Variants in UGGT2 observed in about 807,000 individuals in gnomAD.
The protein encoded by UGGT2 is UDP-glucose glycoprotein glucosyltransferase 2.
Under a neutral mutation model 192.1 loss-of-function variants are expected in UGGT2, and 180 were observed. The ratio of observed to expected loss-of-function variants is 0.94; its 90% confidence interval spans 0.83 to 1.06. The LOEUF is 1.06. Ranked by LOEUF, UGGT2 falls within the 50% of genes least tolerant of loss-of-function variation. UGGT2 has a pLI of 0.00. For missense variants in UGGT2, 1,849 were observed against 1,795.7 expected (o/e 1.03, Z -0.54); for synonymous variants, 580 against 591.0 (o/e 0.98, Z 0.27).
intron 22 of UGGT2, among the ~76,000 whole-genome samples, chr13:95,897,474 G>T (rs1188541357): frequency 6.6e-6 from 1 of 152,214 alleles, no homozygotes; most frequent in African/African-American, 2.4e-5. Flanking sequence ...GAAACTGTGT[G>T]ATCATCATTG....
chr13:96,012,517 T>G (rs946453710), intron 5 of UGGT2, among the ~76,000 whole-genome samples: 1 of 151,986 alleles, frequency 6.6e-6, no homozygotes, highest in Non-Finnish European at 1.5e-5. Flanking sequence ...ATTCAAAATA[T>G]ATTAAAAACA....
intron 25 of UGGT2, among the ~76,000 whole-genome samples, chr13:95,889,401 C>T (rs1054450317): frequency 6.6e-6 from 1 of 152,128 alleles, no homozygotes. Flanking sequence ...TCTCATTTTC[C>T]AATGAGATTT....
chr13:95,907,243 C>A (rs1450771048), intron 20 of UGGT2, among the ~76,000 whole-genome samples: 9 of 152,232 alleles, frequency 5.9e-5, no homozygotes, highest in Admixed American at 5.9e-4. Flanking sequence ...AGTACGTAAA[C>A]AAAGCGGCTG....
At chr13:96,030,117 C>A (rs1476934016) in intron 2 of UGGT2, among the ~76,000 whole-genome samples, 1 of 152,202 alleles carries the variant, frequency 6.6e-6, no homozygotes, top group African/African-American at 2.4e-5. Context: ...TCCACACATT[C>A]CATTCCGGTC....
At chr13:95,895,692 T>C (rs2047926730) in intron 22 of UGGT2, among the ~76,000 whole-genome samples, 2 of 152,040 alleles carry the variant, frequency 1.3e-5, no homozygotes, top group Non-Finnish European at 1.5e-5. Flanking sequence ...AAAGCAATGG[T>C]CTATATTTTT....
chr13:95,981,116 C>T (rs1052608559), intron 10 of UGGT2, among the ~76,000 whole-genome samples: 1 of 152,080 alleles, frequency 6.6e-6, no homozygotes, highest in South Asian at 2.1e-4. Flanking sequence ...TCTTTATCTC[C>T]TTAAGTAAAG....
chr13:95,861,771 A>C (rs1371184450), intron 31 of UGGT2, among the ~76,000 whole-genome samples: 1 of 151,960 alleles, frequency 6.6e-6, no homozygotes, highest in Non-Finnish European at 1.5e-5. Context: ...CAAATCTTGT[A>C]ATCTCCCAAA....
At chr13:95,902,065 C>G (rs1394254733) in intron 21 of UGGT2, among the ~76,000 whole-genome samples, 1 of 152,138 alleles carries the variant, frequency 6.6e-6, no homozygotes, top group Non-Finnish European at 1.5e-5. Context: ...CTTGGTTAAA[C>G]ACAACTCTGC....
chr13:95,915,449 T>A (rs2048651437), intron 20 of UGGT2, among the ~76,000 whole-genome samples: 1 of 152,224 alleles, frequency 6.6e-6, no homozygotes, highest in Non-Finnish European at 1.5e-5. Context: ...AGAGAAAAGA[T>A]CTTAATATTG....
chr13:95,916,572 A>G (rs917556571), intron 20 of UGGT2, among the ~76,000 whole-genome samples: 1 of 152,222 alleles, frequency 6.6e-6, no homozygotes, highest in Non-Finnish European at 1.5e-5. Flanking sequence ...TGATGGAAGT[A>G]GGCTTCAAAA....
intron 29 of UGGT2, among the ~76,000 whole-genome samples, chr13:95,868,992 T>G (rs139338026): frequency 0.12 from 18,042 of 151,092 alleles, 1,202 homozygotes; most frequent in Middle Eastern, 0.21. Context: ...CCATTAACTC[T>G]TCATTTAACA....
intron 6 of UGGT2, 95 bp from the exon 7 acceptor site, chr13:95,996,230 G>A (rs1202139882): frequency 1.0e-5 from 11 of 1,085,288 alleles, no homozygotes; most frequent in African/African-American, 7.9e-5. Context: ...GGCCAGGTGC[G>A]GCAGCTCATG....
intron 20 of UGGT2, among the ~76,000 whole-genome samples, chr13:95,909,951 G>A (rs1030152186): frequency 1.3e-5 from 2 of 151,946 alleles, no homozygotes; most frequent in Admixed American, 6.6e-5. Flanking sequence ...ATTCTTAAAG[G>A]AAAGAATTTT....
intron 32 of UGGT2, among the ~76,000 whole-genome samples, chr13:95,860,128 A>T (rs928156550): frequency 6.6e-6 from 1 of 152,032 alleles, no homozygotes; most frequent in Admixed American, 6.6e-5. Flanking sequence ...CTGAAGTTCC[A>T]TTTTAACGTA....
chr13:95,895,039 T>C lies in UGGT2; in HGVS notation c.2759+141A>G, dbSNP rs186032703. The C allele has an allele frequency of 1.7e-4, 148 of 850,988 alleles. 3 individuals carry two copies. In the East Asian group the frequency reaches 2.3e-3, roughly 13 times the overall value. 52.7% of individuals were successfully genotyped at this position (850,988 alleles called of 1,614,324 possible). On this transcript the variant is annotated intron_variant, in intron 23 of 38. Transcript: ENST00000376747. ...TGATGGTGAGTAAATGGATGCCTTTTATTATTTGCTTATATTCTTTATATA... is the reference window on the plus strand; with the variant it reads ...TGATGGTGAGTAAATGGATGCCTTTCATTATTTGCTTATATTCTTTATATA...
At position 95,853,573 on chromosome 13, in the gene UGGT2, T is replaced by C; in HGVS notation, c.4254A>G (p.Gln1418=). 1 of 1,611,986 alleles carries C rather than the reference T, an allele frequency of 6.2e-7. No homozygotes were observed. ...CTAGGTTTGAAAGACTGTTTGGATC[T>C]TGACTGAGAGCTTGATACTGGCTCC... The part of the protein sequence containing the change: ...RLRSQYQALS[Q]DPNSLSNLDQ... Residue 1418 remains glutamine, a synonymous_variant, in exon 36 of 39, where the codon CAA becomes CAG. Transcript: ENST00000376747.
At chr13:95,807,715 C>CTTTTTTTTTTTTTTTTT (rs200081851) in intron 38 of UGGT2, among the ~76,000 whole-genome samples, 2 of 48,038 alleles carry the variant, frequency 4.2e-5, no homozygotes, top group African/African-American at 1.2e-4. Context: ...TCAGCCCTCA[C>CTTTTTTTTTTTTTTTTT]CTTTTTTTTT....
At chr13:95,974,201 T>C (rs1235290409) in intron 10 of UGGT2, among the ~76,000 whole-genome samples, 1 of 152,234 alleles carries the variant, frequency 6.6e-6, no homozygotes, top group African/African-American at 2.4e-5. Context: ...AACCCTGATA[T>C]GAAAAGGTTC....
intron 7 of UGGT2, among the ~76,000 whole-genome samples, chr13:95,994,548 T>A (rs1343641875): frequency 2.0e-5 from 3 of 151,770 alleles, no homozygotes; most frequent in Non-Finnish European, 4.4e-5. Flanking sequence ...TTTATTTTAT[T>A]CATGTTTAAC....
Sources: allele counts gnomAD v4.1 joint callset (sites outside exome capture counted in the v4.1 genomes callset), GRCh38; gene constraint gnomAD v4.1.1; transcripts MANE v1.5; gene names NCBI Gene and HGNC (gene_info 2026-07-23, HGNC 2026-07-21).